The following RGS7 variants were observed in gnomAD, a reference collection of about 807,000 sequenced individuals.
RGS7 encodes regulator of G-protein signaling 7.
RGS7 carries 27 observed loss-of-function variants against 81.1 expected under a neutral mutation model. The ratio of observed to expected loss-of-function variants is 0.33; its 90% CI spans 0.25 to 0.46. RGS7 has a LOEUF of 0.46. Ranked by LOEUF, RGS7 falls within the 20% of genes least tolerant of loss-of-function variation. RGS7 has a pLI of 1.00. For synonymous variants in RGS7, 208 were observed against 207.7 expected (o/e 1.00, Z -0.01); for missense variants, 396 against 607.4 (o/e 0.65, Z 3.66).
In RGS7 at chr1:240,868,919, C is replaced by T; in HGVS notation, c.451-67G>A. ...TCACTGCTCTCTTCTAGCTTAGTTA[C>T]CACTTGTATTTGTCAAGGAAACAAA... is the stretch of plus-strand genomic sequence containing the variant. On this transcript the variant is annotated intron_variant, in intron 7 of 18. Coordinates refer to ENST00000440928, the MANE Select transcript of RGS7 (RefSeq NM_001364886.1). This position sits in a 1 kb window ranked among gnomAD's most constrained non-coding sequence, Gnocchi z 5.1. The T allele has an allele frequency of 1.4e-6, 2 of 1,398,116 alleles. No individual in the cohort carries two copies. The highest frequency in any genetic ancestry group is 1.0e-6 in the Non-Finnish European group (1 of 983,224). 86.6% of individuals were successfully genotyped at this position (1,398,116 alleles called of 1,614,324 possible).
At chr1:241,109,278 T>C (rs1292518588) in intron 2 of RGS7, among the ~76,000 whole-genome samples, 2 of 152,164 alleles carry the variant, frequency 1.3e-5, no homozygotes, top group East Asian at 1.9e-4. Context: ...CATCTGTGCC[T>C]GTGGAAATTC....
At chr1:241,288,851 G>A (rs983007394) in intron 2 of RGS7, among the ~76,000 whole-genome samples, 4 of 152,082 alleles carry the variant, frequency 2.6e-5, no homozygotes, top group Admixed American at 6.6e-5. Flanking sequence ...TTCAATGAGA[G>A]ATTCTGGCCA....
chr1:241,011,548 C>T (rs868784146), intron 3 of RGS7, among the ~76,000 whole-genome samples: 9 of 152,234 alleles, frequency 5.9e-5, no homozygotes, highest in Middle Eastern at 3.4e-3. Flanking sequence ...CAAAGGCATT[C>T]GAACCAGAGT....
intron 3 of RGS7, among the ~76,000 whole-genome samples, chr1:241,047,898 C>T (rs952941624): frequency 5.3e-5 from 8 of 151,934 alleles, no homozygotes; most frequent in African/African-American, 1.9e-4. Flanking sequence ...CACCACCACG[C>T]CTGGCTAATT....
intron 6 of RGS7, among the ~76,000 whole-genome samples, chr1:240,887,226 G>GTTTTTTTTTTTTTTTTTTTTTTTT (rs71297739): frequency 1.3e-5 from 1 of 76,382 alleles, no homozygotes; most frequent in African/African-American, 3.7e-5. Context: ...GAGTATATAG[G>GTTTTTTTTTTTTTTTTTTTTTTTT]TTTTTTTTTT....
chr1:241,257,049 G>C (rs1292704115), intron 2 of RGS7, among the ~76,000 whole-genome samples: 2 of 151,674 alleles, frequency 1.3e-5, no homozygotes, highest in Non-Finnish European at 2.9e-5. Context: ...TATATATACA[G>C]TGTACATATA....
chr1:241,205,983 C>T (rs1402568499), intron 2 of RGS7, among the ~76,000 whole-genome samples: 1 of 150,544 alleles, frequency 6.6e-6, no homozygotes, highest in African/African-American at 2.5e-5. Flanking sequence ...AATTTCTAGA[C>T]AGTAATTTCG....
At chr1:241,019,010 G>A (rs907884192) in intron 3 of RGS7, among the ~76,000 whole-genome samples, 11 of 152,010 alleles carry the variant, frequency 7.2e-5, no homozygotes, top group Admixed American at 5.9e-4. Flanking sequence ...TTTCCCCTGC[G>A]AAGGCCATGA....
chr1:240,897,349 T>C (rs189190133), intron 6 of RGS7, among the ~76,000 whole-genome samples: 11 of 152,360 alleles, frequency 7.2e-5, no homozygotes, highest in Admixed American at 7.2e-4. Flanking sequence ...AGGGCATCCC[T>C]GTCTTGTGCC....
At chr1:240,813,085 T>A (rs963916937) in intron 13 of RGS7, among the ~76,000 whole-genome samples, 1 of 152,222 alleles carries the variant, frequency 6.6e-6, no homozygotes, top group Non-Finnish European at 1.5e-5. Context: ...CTGTTAAGAC[T>A]GATGATGTAG....
chr1:241,182,665 T>G (rs2071726208), intron 2 of RGS7, among the ~76,000 whole-genome samples: 1 of 150,774 alleles, frequency 6.6e-6, no homozygotes, highest in East Asian at 2.0e-4. Context: ...TTTTTTTTTT[T>G]TTGAGACAGA....
chr1:241,045,088 A>C (rs1451201368), intron 3 of RGS7, among the ~76,000 whole-genome samples: 1 of 152,158 alleles, frequency 6.6e-6, no homozygotes, highest in Non-Finnish European at 1.5e-5. Context: ...GCTGCCCTTA[A>C]AGTGAATTCA....
intron 2 of RGS7, among the ~76,000 whole-genome samples, chr1:241,198,445 C>T (rs866610085): frequency 1.1e-4 from 16 of 151,882 alleles, no homozygotes; most frequent in African/African-American, 3.6e-4. Flanking sequence ...GATAACTTGT[C>T]AATACCCTGA....
chr1:241,195,635 A>T (rs2073012459), intron 2 of RGS7, among the ~76,000 whole-genome samples: 1 of 152,168 alleles, frequency 6.6e-6, no homozygotes, highest in South Asian at 2.1e-4. Context: ...TAAATAAGGC[A>T]ATACAATTCA....
intron 2 of RGS7, among the ~76,000 whole-genome samples, chr1:241,182,559 C>T (rs1274970419): frequency 2.6e-5 from 4 of 151,942 alleles, no homozygotes; most frequent in African/African-American, 9.7e-5. Flanking sequence ...ATTGTGCCTC[C>T]GTTTTGAAAA....
chr1:240,960,217 C>CTTCTTTTTTTTTTTTTTTTTTT (rs60911948), intron 4 of RGS7, among the ~76,000 whole-genome samples: 8 of 8,956 alleles, frequency 8.9e-4, no homozygotes, highest in Non-Finnish European at 1.4e-3. Flanking sequence ...TCTTCTTCTT[C>CTTCTTTTTTTTTTTTTTTTTTT]TTTTTTTTTT....
At chr1:240,850,481 T>C (rs1275598538) in intron 9 of RGS7, among the ~76,000 whole-genome samples, 1 of 152,194 alleles carries the variant, frequency 6.6e-6, no homozygotes, top group Non-Finnish European at 1.5e-5. Flanking sequence ...CTGCTGCATC[T>C]TCCACTCTTC....
intron 9 of RGS7, among the ~76,000 whole-genome samples, chr1:240,851,251 A>C (rs1323803509): frequency 6.6e-6 from 1 of 152,218 alleles, no homozygotes; most frequent in Non-Finnish European, 1.5e-5. Flanking sequence ...CGAAAATTCT[A>C]GGGCCCATAA....
chr1:241,189,436 G>A (rs999017484), intron 2 of RGS7, among the ~76,000 whole-genome samples: 2 of 152,118 alleles, frequency 1.3e-5, no homozygotes, highest in Non-Finnish European at 2.9e-5. Flanking sequence ...TAGATATGGG[G>A]TTTACCATTA....
Sources: gnomAD v4.1 joint callset for allele counts (sites outside exome capture counted in the v4.1 genomes callset) on GRCh38, gnomAD v4.1.1 for gene constraint, Gnocchi (gnomAD v3.1) non-coding constraint, MANE v1.5 for transcripts, NCBI Gene and HGNC (gene_info 2026-07-23, HGNC 2026-07-21) for gene names.